PAX5: variants seen among roughly 807,000 people sequenced by gnomAD.
PAX5 encodes the protein paired box 5, also known as paired box protein Pax-5.
A neutral mutation model predicts 43.7 loss-of-function variants in PAX5; 9 were observed. That is an observed-to-expected ratio of 0.21 (90% CI 0.12 to 0.36). The LOEUF is 0.36. Among genes scored for constraint, PAX5 ranks in the 10% least tolerant of loss-of-function variants. The pLI is 1.00. For missense variants in PAX5, 383 were observed against 532.7 expected, an observed-to-expected ratio of 0.72 and a Z score of 2.77; for synonymous variants, 228 against 214.3, an observed-to-expected ratio of 1.06 and a Z score of -0.56.
At position 36,882,831 on chromosome 9, in the gene PAX5, G is replaced by A. The variant is rs1406149714; in HGVS notation, c.911-726C>T. ...GGCGAGTGTCCAGCTCTTTCAGGCT[G>A]CTGTGCTTCTGACCATGAGTCCAGA... On this transcript the variant is annotated intron_variant, in intron 7 of 9. Coordinates refer to ENST00000358127, the MANE Select transcript of PAX5 (RefSeq NM_016734.3). This position sits in a 1 kb window ranked among gnomAD's most constrained non-coding sequence, Gnocchi z 4.4. 6.6e-6 allele frequency among the ~76,000 whole-genome samples: 1 copy of A among 152,258 alleles called. No homozygotes were observed. The highest frequency in any genetic ancestry group is 1.5e-5 in the Non-Finnish European group (1 of 68,044).
At chr9:37,032,691 TC>T (rs931171544) in intron 1 of PAX5, among the ~76,000 whole-genome samples, 1 of 152,196 alleles carries the variant, frequency 6.6e-6, no homozygotes, top group African/African-American at 2.4e-5. Flanking sequence ...GAAGGGGGCT[TC>T]TTGCCAGGGC....
chr9:36,875,935 G>A (rs1384227360), intron 8 of PAX5, among the ~76,000 whole-genome samples: 2 of 152,218 alleles, frequency 1.3e-5, no homozygotes, highest in African/African-American at 4.8e-5. Flanking sequence ...GGAGAAAAGT[G>A]TCTGTTGTTT....
intron 1 of PAX5, among the ~76,000 whole-genome samples, chr9:37,030,756 C>A (rs935791256): frequency 6.6e-6 from 1 of 152,212 alleles, no homozygotes; most frequent in Non-Finnish European, 1.5e-5. Context: ...TCCCTTTCCA[C>A]GCCTCCCAGC....
chr9:36,845,875 G>A (rs1822523897), intron 9 of PAX5, among the ~76,000 whole-genome samples: 1 of 152,210 alleles, frequency 6.6e-6, no homozygotes, highest in Non-Finnish European at 1.5e-5. Flanking sequence ...GGAATTAAAA[G>A]GTTCTTCCTT....
At position 36,914,975 on chromosome 9, in the gene PAX5, CA is replaced by C. The variant is rs1317574631; in HGVS notation, c.910+8379del. Among the ~76,000 whole-genome samples, 3 of 152,204 alleles carry C rather than the reference CA, an allele frequency of 2.0e-5. No individual in the cohort carries two copies. In the East Asian group the frequency reaches 5.8e-4, roughly 29 times the overall value. On this transcript the variant is annotated intron_variant, in intron 7 of 9. Coordinates refer to ENST00000358127, the MANE Select transcript of PAX5 (RefSeq NM_016734.3). The stretch of plus-strand genomic sequence containing the variant: ...TCTTAGACACTTATTTACATCGGTA[CA>C]GATAGTTCTATTTAATTCTTTTTAG...
rs181503579 is a variant in PAX5 at position 36,878,245 on chromosome 9, C to T, written c.1012+3759G>A. 7.2e-5 allele frequency among the ~76,000 whole-genome samples: 11 copies of T among 152,332 alleles called. No individual in the cohort carries two copies. In the East Asian group the frequency reaches 2.1e-3, roughly 29 times the overall value. On this transcript the variant is annotated intron_variant, in intron 8 of 9. Transcript: ENST00000358127. Reference sequence around the variant, plus strand: ...GCCACAGGAAACTAACACACAGGTCCATATAATTTCCCTCTCCTCCCTCCC... The same window carrying T: ...GCCACAGGAAACTAACACACAGGTCTATATAATTTCCCTCTCCTCCCTCCC...
At chr9:36,963,135 TC>T (rs1241278768) in intron 6 of PAX5, among the ~76,000 whole-genome samples, 1 of 152,194 alleles carries the variant, frequency 6.6e-6, no homozygotes, top group Non-Finnish European at 1.5e-5. Flanking sequence ...CCATCTCTCC[TC>T]ATTAAAACAC....
intron 4 of PAX5, 27 bp from the exon 5 acceptor site, chr9:37,002,803 G>A (rs774826422): frequency 1.4e-5 from 23 of 1,594,716 alleles, no homozygotes; most frequent in Admixed American, 1.7e-5. Flanking sequence ...GGGCGGTCAG[G>A]GCCGCAGAGG....
rs781519787 is a variant in PAX5 at position 36,840,649 on chromosome 9, GGA to G, written c.1100-15_1100-14del. Reference sequence around the variant, plus strand: ...TAGTAGGGGGAGCCTGGAAGAGACGGGAGAGAGCACCGAGGTCAGATCCGGGG... The same window carrying G: ...TAGTAGGGGGAGCCTGGAAGAGACGGGAGAGCACCGAGGTCAGATCCGGGG... On this transcript the variant is annotated splice_polypyrimidine_tract_variant and intron_variant, in intron 9 of 9. Coordinates refer to ENST00000358127, the MANE Select transcript of PAX5 (RefSeq NM_016734.3). 2.7e-5 allele frequency: 41 copies of G among 1,536,262 alleles called. No homozygotes were observed. The South Asian group carries it at 4.8e-4, about 18-fold the overall frequency.
intron 5 of PAX5, among the ~76,000 whole-genome samples, chr9:36,993,566 G>T (rs1189257940): frequency 6.6e-6 from 1 of 152,236 alleles, no homozygotes; most frequent in Non-Finnish European, 1.5e-5. Context: ...ACAGGAAGAA[G>T]GGACACAGCA....
chr9:36,968,377 G>T (rs10973144), intron 5 of PAX5, among the ~76,000 whole-genome samples: 1 of 151,832 alleles, frequency 6.6e-6, no homozygotes. Context: ...TTCCTCAACT[G>T]TACTTATCTG....
intron 5 of PAX5, among the ~76,000 whole-genome samples, chr9:36,997,311 A>C (rs1837476590): frequency 6.6e-6 from 1 of 152,182 alleles, no homozygotes; most frequent in Non-Finnish European, 1.5e-5. Flanking sequence ...CACAGTCCAC[A>C]CTGGCTGGAC....
chr9:36,946,302 C>T (rs1832516486), intron 6 of PAX5, among the ~76,000 whole-genome samples: 1 of 152,208 alleles, frequency 6.6e-6, no homozygotes, highest in Admixed American at 6.5e-5. Flanking sequence ...CGAGCATTTC[C>T]GTGTGTTTCT....
chr9:36,935,310 G>A (rs1303845294), intron 6 of PAX5, among the ~76,000 whole-genome samples: 4 of 152,192 alleles, frequency 2.6e-5, no homozygotes, highest in African/African-American at 9.7e-5. Flanking sequence ...AACCCGGGGG[G>A]CGGAGGTTGC....
chr9:36,874,409 T>C (rs1347009373), intron 8 of PAX5, among the ~76,000 whole-genome samples: 2 of 152,172 alleles, frequency 1.3e-5, no homozygotes, highest in Non-Finnish European at 1.5e-5. Flanking sequence ...GCTCAGATCC[T>C]AACCTTGCTG....
chr9:37,018,121 T>G (rs1238087344), intron 2 of PAX5, among the ~76,000 whole-genome samples: 1 of 152,188 alleles, frequency 6.6e-6, no homozygotes, highest in Non-Finnish European at 1.5e-5. Context: ...GGGGAGAATG[T>G]CTTCCCTGCT....
chr9:36,857,192 AG>A (rs1363396125), intron 8 of PAX5, among the ~76,000 whole-genome samples: 4 of 152,348 alleles, frequency 2.6e-5, no homozygotes, highest in Non-Finnish European at 5.9e-5. Flanking sequence ...TTTAAAAGGT[AG>A]GGCATGGTAG....
At chr9:36,854,739 C>T (rs1465858360) in intron 8 of PAX5, among the ~76,000 whole-genome samples, 2 of 152,206 alleles carry the variant, frequency 1.3e-5, no homozygotes, top group East Asian at 1.9e-4. Flanking sequence ...TCGGCCCCGA[C>T]AGCCGTGCAT....
chr9:36,944,791 C>T (rs10973134), intron 6 of PAX5, among the ~76,000 whole-genome samples: 34,696 of 152,174 alleles, frequency 0.23, 4,847 homozygotes, highest in Non-Finnish European at 0.33. Flanking sequence ...GGCAGTTACC[C>T]AATTGAATGG....
Sources: gnomAD v4.1 joint callset for allele counts (sites outside exome capture counted in the v4.1 genomes callset) on GRCh38, gnomAD v4.1.1 for gene constraint, Gnocchi (gnomAD v3.1) non-coding constraint, MANE v1.5 for transcripts, NCBI Gene and HGNC (gene_info 2026-07-23, HGNC 2026-07-21) for gene names.